SHOC1: variants seen among roughly 807,000 people sequenced by gnomAD.
SHOC1 encodes the protein shortage in chiasmata 1, also known as protein shortage in chiasmata 1 ortholog.
SHOC1 carries 136 observed loss-of-function variants against 179.2 expected under a neutral mutation model. That is an observed-to-expected ratio of 0.76 (90% CI 0.66 to 0.87). The LOEUF is 0.87. SHOC1 is among the 40% of genes least tolerant of loss of function. SHOC1 has a pLI of 0.00. For missense variants in SHOC1, 1,538 were observed against 1,700.8 expected (o/e 0.90, Z 1.68); for synonymous variants, 489 against 586.6 (o/e 0.83, Z 2.41).
chr9:111,714,334 G>A, intron 17 of SHOC1, 111 bp downstream of exon 17: 1 of 983,866 alleles, frequency 1.0e-6, no homozygotes, highest in East Asian at 2.5e-5. Flanking sequence ...ACCATCAAGG[G>A]ACTAAGTAGT....
intron 12 of SHOC1, among the ~76,000 whole-genome samples, chr9:111,729,071 C>A (rs1833442661): frequency 1.3e-5 from 2 of 152,020 alleles, no homozygotes; most frequent in African/African-American, 4.8e-5. Context: ...ATCATCTGAG[C>A]CTTTACTAAG....
At chr9:111,754,631 CAT>C (rs964442048) in intron 8 of SHOC1, among the ~76,000 whole-genome samples, 2 of 152,134 alleles carry the variant, frequency 1.3e-5, no homozygotes, top group Non-Finnish European at 2.9e-5. Flanking sequence ...GAAATGAAAA[CAT>C]ATGTGTGGAC....
At chr9:111,787,158 T>C (rs1238946502) in intron 2 of SHOC1, among the ~76,000 whole-genome samples, 1 of 152,224 alleles carries the variant, frequency 6.6e-6, no homozygotes, top group Admixed American at 6.5e-5. Flanking sequence ...AGAGCTCTGA[T>C]GGAGATGTAC....
intron 5 of SHOC1, among the ~76,000 whole-genome samples, chr9:111,764,072 G>A (rs981472462): frequency 1.3e-5 from 2 of 152,134 alleles, no homozygotes; most frequent in Admixed American, 6.6e-5. Context: ...TAAATTGCAC[G>A]GTGTTGTGAG....
rs1831185720 is a variant in SHOC1, at chr9:111,686,822, T to C, written c.4475A>G (p.Tyr1492Cys). ...ATCAACTCTACCAGGGACTTTTTCATATGCTAGACGTCGTTTTTTGAATTG... is the reference window on the plus strand; with the variant it reads ...ATCAACTCTACCAGGGACTTTTTCACATGCTAGACGTCGTTTTTTGAATTG... ...LPQFKKRRLA[Y>C]EKVPGRVDGQ... is the part of the protein sequence containing the mutation. The change falls in exon 28 of 28, where the codon TAT becomes TGT. Residue 1492 changes from tyrosine (Y) to cysteine (C), a missense_variant. Coordinates refer to ENST00000682961, the MANE Select transcript of SHOC1 (RefSeq NM_001378211.1). 3.7e-6 allele frequency: 6 copies of C among 1,613,832 alleles called. No homozygotes were observed. Among genetic ancestry groups the C allele is most frequent in the Non-Finnish European group, 5.1e-6 (6 of 1,179,778 alleles).
intron 7 of SHOC1, among the ~76,000 whole-genome samples, 159 bp from the exon 8 acceptor site, chr9:111,756,637 T>C (rs940885362): frequency 2.2e-4 from 34 of 152,180 alleles, no homozygotes; most frequent in Non-Finnish European, 4.6e-4. Flanking sequence ...AAAACAGAAA[T>C]GTAGCAGCTA....
At chr9:111,781,635 A>G (rs1836049348) in intron 3 of SHOC1, among the ~76,000 whole-genome samples, 1 of 151,582 alleles carries the variant, frequency 6.6e-6, no homozygotes, top group African/African-American at 2.4e-5. Flanking sequence ...AGGCAGGAGA[A>G]TACCTCGAAC....
chr9:111,763,628 T>A (rs1443550853), intron 5 of SHOC1, among the ~76,000 whole-genome samples: 2 of 152,086 alleles, frequency 1.3e-5, no homozygotes, highest in Non-Finnish European at 2.9e-5. Flanking sequence ...TAAAAAAAAT[T>A]TACTACCTAC....
chr9:111,732,533 A>C (rs1833622840), intron 12 of SHOC1, among the ~76,000 whole-genome samples: 1 of 152,226 alleles, frequency 6.6e-6, no homozygotes, highest in Non-Finnish European at 1.5e-5. Flanking sequence ...TTGATAAACA[A>C]ACTGTGGTAT....
chr9:111,775,697 A>T (rs1835802099), intron 5 of SHOC1, 94 bp downstream of exon 5: 1 of 1,054,434 alleles, frequency 9.5e-7, no homozygotes, highest in Admixed American at 3.0e-5. Flanking sequence ...TTTAATAAAA[A>T]ATTTTTTATT....
At chr9:111,759,933 A>G (rs1465858569) in intron 5 of SHOC1, among the ~76,000 whole-genome samples, 1 of 152,186 alleles carries the variant, frequency 6.6e-6, no homozygotes, top group African/African-American at 2.4e-5. Context: ...TGACAATCTC[A>G]TGGCCAAAAG....
rs1564161086 is a variant in SHOC1, at chr9:111,769,975, G to GTTTGTTTTTTTTTTTTTTTTTTTTTTTTT, written c.442+5815_442+5816insAAAAAAAAAAAAAAAAAAAAAAAAACAAA. Among the ~76,000 whole-genome samples, 5 of 87,796 alleles carry GTTTGTTTTTTTTTTTTTTTTTTTTTTTTT rather than the reference G, an allele frequency of 5.7e-5. 1 individual carries two copies. Among genetic ancestry groups the GTTTGTTTTTTTTTTTTTTTTTTTTTTTTT allele is most frequent in the Admixed American group, 2.2e-4 (2 of 9,228 alleles). 57.6% of individuals were successfully genotyped at this position (87,796 alleles called of 152,430 possible). A position where few individuals can be genotyped will look rare whatever the true frequency, so the allele number is the denominator to read the frequency against. On this transcript the variant is annotated intron_variant, in intron 5 of 27. Coordinates refer to ENST00000682961, the MANE Select transcript of SHOC1 (RefSeq NM_001378211.1). ...AATCTAGCGAAAGGTTTTATCTTCTGTTTTTTTTTTGTTTTTTTTTTTTTT... is the reference window on the plus strand; with the variant it reads ...AATCTAGCGAAAGGTTTTATCTTCTGTTTGTTTTTTTTTTTTTTTTTTTTTTTTTTTTTTTTTTTGTTTTTTTTTTTTTT...
At chr9:111,707,798 G>T in intron 19 of SHOC1, 57 bp downstream of exon 19, 1 of 1,120,060 alleles carries the variant, frequency 8.9e-7, no homozygotes, top group Non-Finnish European at 1.3e-6. Flanking sequence ...GGAAGATTTT[G>T]CTTTTCCTGT....
chr9:111,724,013 T>A (rs1383883344), intron 13 of SHOC1, 102 bp from the exon 14 acceptor site: 2 of 864,846 alleles, frequency 2.3e-6, no homozygotes, highest in Non-Finnish European at 3.5e-6. Flanking sequence ...GTTGTTAAAT[T>A]TCTTCATTGA....
chr9:111,763,258 C>A (rs530387174), intron 5 of SHOC1, among the ~76,000 whole-genome samples: 3 of 151,996 alleles, frequency 2.0e-5, no homozygotes, highest in African/African-American at 4.8e-5. Context: ...AGAAAATTAT[C>A]ATCAAAGAAA....
chr9:111,754,833 G>A (rs1156444324), intron 8 of SHOC1, among the ~76,000 whole-genome samples: 1 of 152,192 alleles, frequency 6.6e-6, no homozygotes, highest in Admixed American at 6.5e-5. Flanking sequence ...ATTATGCTAA[G>A]TGAAATAAGT....
Position 111,775,785 on chromosome 9 carries a change from T to A in SHOC1, c.442+6A>T, listed in dbSNP as rs751791124. 6.3e-7 allele frequency: 1 copy of A among 1,596,192 alleles called. No individual in the cohort carries two copies. The highest frequency in any genetic ancestry group is 1.2e-5 in the South Asian group (1 of 86,802). On this transcript the variant is annotated splice_donor_region_variant and intron_variant, in intron 5 of 27. Transcript: ENST00000682961. ...GTTTTACAACAATATAAAATAAACG[T>A]TTTACCTTGGTTCTGGTTTTGAAGT...
At chr9:111,694,083 A>G (rs1831577783) in intron 25 of SHOC1, 135 bp from the exon 26 acceptor site, 1 of 1,069,140 alleles carries the variant, frequency 9.4e-7, no homozygotes, top group African/African-American at 1.6e-5. Context: ...ATTTTATTCT[A>G]CTCGTTGCAG....
At chr9:111,708,537 A>T (rs570052842) in intron 18 of SHOC1, among the ~76,000 whole-genome samples, 2 of 152,276 alleles carry the variant, frequency 1.3e-5, no homozygotes, top group South Asian at 4.1e-4. Context: ...TTAAACACTC[A>T]CCAATCCTGT....
Sources: allele counts gnomAD v4.1 joint callset (sites outside exome capture counted in the v4.1 genomes callset), GRCh38; gene constraint gnomAD v4.1.1; transcripts MANE v1.5; gene names NCBI Gene and HGNC (gene_info 2026-07-23, HGNC 2026-07-21).